SAMTOR: variants seen among roughly 807,000 people sequenced by gnomAD.
The protein encoded by SAMTOR is S-adenosylmethionine sensor upstream of mTORC1.
chr7:112,901,089 G>C, the SAMTOR span, among the ~76,000 whole-genome samples: 3 of 152,150 alleles, frequency 2.0e-5, no homozygotes, highest in African/African-American at 7.2e-5. Context: ...ATTGTCAAGA[G>C]AATGAAAAGA....
chr7:112,882,965 C>T, the SAMTOR span, among the ~76,000 whole-genome samples: 2 of 152,112 alleles, frequency 1.3e-5, no homozygotes, highest in East Asian at 1.9e-4. Context: ...TAAAAAATCA[C>T]GTTTAAACTG....
the SAMTOR span, among the ~76,000 whole-genome samples, chr7:112,938,360 G>A: frequency 6.6e-6 from 1 of 152,172 alleles, no homozygotes; most frequent in Admixed American, 6.5e-5. Context: ...TAAAAGCTAA[G>A]CTTGATTTGC....
chr7:112,850,805 C>T, the SAMTOR span, among the ~76,000 whole-genome samples: 1 of 152,052 alleles, frequency 6.6e-6, no homozygotes, highest in Non-Finnish European at 1.5e-5. Flanking sequence ...TTTTTTCCCT[C>T]AGTTAATCCA....
the SAMTOR span, among the ~76,000 whole-genome samples, chr7:112,835,934 C>T: frequency 0.011 from 1,644 of 152,068 alleles, 31 homozygotes; most frequent in African/African-American, 0.037. Context: ...TGAACTGTGC[C>T]GTGATGAACG....
At chr7:112,880,995 T>C in the SAMTOR span, among the ~76,000 whole-genome samples, 1 of 151,788 alleles carries the variant, frequency 6.6e-6, no homozygotes, top group Non-Finnish European at 1.5e-5. Flanking sequence ...AGCCCCACCC[T>C]CCTGGGCGCA....
chr7:112,874,180 C>G, the SAMTOR span, among the ~76,000 whole-genome samples: 11 of 152,108 alleles, frequency 7.2e-5, no homozygotes, highest in Admixed American at 6.5e-4. Flanking sequence ...TTTGACCCAT[C>G]AATCCCATTA....
the SAMTOR span, among the ~76,000 whole-genome samples, chr7:112,932,967 GTACA>G: frequency 6.6e-6 from 1 of 152,104 alleles, no homozygotes; most frequent in East Asian, 1.9e-4. Flanking sequence ...TAAACTTCCA[GTACA>G]ACAGTACTTC....
At chr7:112,820,666 A>C in the SAMTOR span, 5 of 152,062 alleles carry the variant, frequency 3.3e-5, no homozygotes, top group Non-Finnish European at 5.9e-5. Context: ...GAAAGGGAAA[A>C]TTCCCACAGC....
chr7:112,888,742 G>A, the SAMTOR span, among the ~76,000 whole-genome samples: 3 of 152,054 alleles, frequency 2.0e-5, no homozygotes, highest in Non-Finnish European at 2.9e-5. Context: ...CTTGATATCC[G>A]AACTTGCTAT....
chr7:112,885,752 C>T, the SAMTOR span, among the ~76,000 whole-genome samples: 4 of 152,170 alleles, frequency 2.6e-5, no homozygotes, highest in Admixed American at 6.5e-5. Flanking sequence ...CCACATTTTA[C>T]TGTCTTCTTC....
the SAMTOR span, among the ~76,000 whole-genome samples, chr7:112,843,494 A>T: frequency 6.6e-6 from 1 of 151,964 alleles, no homozygotes; most frequent in African/African-American, 2.4e-5. Flanking sequence ...CTACATTCAT[A>T]AAAGAAGGAA....
chr7:112,856,686 A>T, the SAMTOR span, among the ~76,000 whole-genome samples: 1 of 152,312 alleles, frequency 6.6e-6, no homozygotes, highest in African/African-American at 2.4e-5. Context: ...TAATATTTTG[A>T]TTATCTCAAA....
chr7:112,923,450 G>T, the SAMTOR span, among the ~76,000 whole-genome samples: 1 of 150,952 alleles, frequency 6.6e-6, no homozygotes, highest in Non-Finnish European at 1.5e-5. Flanking sequence ...TCCCCCTCTG[G>T]GAGAAACACC....
the SAMTOR span, among the ~76,000 whole-genome samples, chr7:112,872,569 G>A: frequency 8.5e-4 from 130 of 152,052 alleles, no homozygotes; most frequent in Middle Eastern, 0.014. Flanking sequence ...AAGACAAAAT[G>A]TCCACTCTCA....
At chr7:112,874,314 T>C in the SAMTOR span, among the ~76,000 whole-genome samples, 6 of 152,068 alleles carry the variant, frequency 3.9e-5, no homozygotes, top group Non-Finnish European at 8.8e-5. Flanking sequence ...AATAGTGGAC[T>C]AAAGAAAATG....
the SAMTOR span, among the ~76,000 whole-genome samples, chr7:112,824,530 T>C: frequency 6.6e-6 from 1 of 152,050 alleles, no homozygotes; most frequent in Non-Finnish European, 1.5e-5. Context: ...GCCTGGCTAA[T>C]TTTTGTATTT....
the SAMTOR span, among the ~76,000 whole-genome samples, chr7:112,893,841 G>A: frequency 6.6e-6 from 1 of 152,216 alleles, no homozygotes. Context: ...GGCGGAGCTT[G>A]CAGTGAGCTG....
At chr7:112,904,367 T>C in the SAMTOR span, among the ~76,000 whole-genome samples, 2 of 152,056 alleles carry the variant, frequency 1.3e-5, no homozygotes, top group Non-Finnish European at 2.9e-5. Context: ...TGCAATAAAA[T>C]GAGAATTAAC....
the SAMTOR span, among the ~76,000 whole-genome samples, chr7:112,866,532 C>T: frequency 6.6e-6 from 1 of 152,158 alleles, no homozygotes; most frequent in Non-Finnish European, 1.5e-5. Flanking sequence ...TGAAAAAGAG[C>T]CAGGGAAGGA....
Sources: allele counts gnomAD v4.1 joint callset (sites outside exome capture counted in the v4.1 genomes callset), GRCh38; gene constraint gnomAD v4.1.1; transcripts MANE v1.5; gene names NCBI Gene and HGNC (gene_info 2026-07-23, HGNC 2026-07-21).